The following UTRN variants were observed in gnomAD, a reference collection of about 807,000 sequenced individuals.
UTRN encodes dystrophin-related protein 1.
In UTRN, 283 loss-of-function variants were observed where a neutral mutation model predicts 463.9. The ratio of observed to expected loss-of-function variants is 0.61; its 90% CI spans 0.55 to 0.67. The LOEUF is 0.67. Ranked by LOEUF, UTRN falls within the 30% of genes least tolerant of loss-of-function variation. The pLI, the probability that UTRN is intolerant of heterozygous loss-of-function variation, is 0.00. For synonymous variants in UTRN, 1,442 were observed against 1,431.5 expected, an observed-to-expected ratio of 1.01 and a Z score of -0.17; for missense variants, 3,922 against 4,084.3, an observed-to-expected ratio of 0.96 and a Z score of 1.08.
intron 2 of UTRN, among the ~76,000 whole-genome samples, chr6:144,321,620 C>T (rs1251465176): frequency 6.6e-6 from 1 of 151,738 alleles, no homozygotes; most frequent in Non-Finnish European, 1.5e-5. Context: ...CAGGTGTGTA[C>T]CACCATGCCC....
intron 51 of UTRN, among the ~76,000 whole-genome samples, chr6:144,605,424 T>C (rs2128639009): frequency 6.6e-6 from 1 of 152,104 alleles, no homozygotes; most frequent in African/African-American, 2.4e-5. Flanking sequence ...AGGCAGGGCA[T>C]TGATAATAGA....
intron 51 of UTRN, among the ~76,000 whole-genome samples, chr6:144,641,256 T>G (rs1410631949): frequency 6.6e-6 from 1 of 152,058 alleles, no homozygotes; most frequent in Admixed American, 6.5e-5. Context: ...TCTGGAAGGG[T>G]GGGACAACTC....
rs190538536 is a variant in UTRN, at chr6:144,330,999, C to T, written c.79+39092C>T. Reference sequence around the variant, plus strand: ...TGAGATCTGAATCCACAAACGGAGACGGCAGACAGTCACAGGCAGGTAAAG... The same window carrying T: ...TGAGATCTGAATCCACAAACGGAGATGGCAGACAGTCACAGGCAGGTAAAG... On this transcript the variant is annotated intron_variant, in intron 2 of 74. Transcript: ENST00000367545. 6.1e-5 allele frequency: 60 copies of T among 985,310 alleles called. No homozygotes were observed. In the East Asian group the frequency reaches 2.2e-3, roughly 35 times the overall value. 61.0% of individuals were successfully genotyped at this position (985,310 alleles called of 1,614,324 possible).
intron 65 of UTRN, among the ~76,000 whole-genome samples, chr6:144,813,861 T>A (rs1778847954): frequency 6.6e-6 from 1 of 152,216 alleles, no homozygotes; most frequent in African/African-American, 2.4e-5. Context: ...ATTTCTAGAA[T>A]GCTCTTGCCT....
Position 144,516,950 on chromosome 6 carries a change from T to A in UTRN, c.5541+2T>A. On this transcript the variant is annotated splice_donor_variant, in intron 39 of 74. Transcript: ENST00000367545. LOFTEE classifies it high-confidence loss of function. ...CATACTAGATACAACAAAATTAAGG[T>A]ATTATGATTGGAGAGTCTCTGTTGC... The A allele has an allele frequency of 4.8e-6, 7 of 1,472,120 alleles. No homozygotes were observed. Among genetic ancestry groups the A allele is most frequent in the Non-Finnish European group, 5.4e-6 (6 of 1,116,642 alleles). The allele number at this position is 1,472,120 out of a possible 1,614,324, so 91.2% of individuals were successfully genotyped here. A position where few individuals can be genotyped will look rare whatever the true frequency, so the allele number is the denominator to read the frequency against.
chr6:144,328,483 T>G (rs1360886908), intron 2 of UTRN, among the ~76,000 whole-genome samples: 1 of 152,184 alleles, frequency 6.6e-6, no homozygotes, highest in African/African-American at 2.4e-5. Flanking sequence ...TAATGTCTCT[T>G]GGGAATTTCT....
At chr6:144,317,749 T>G (rs968306122) in intron 2 of UTRN, among the ~76,000 whole-genome samples, 1 of 152,234 alleles carries the variant, frequency 6.6e-6, no homozygotes, top group African/African-American at 2.4e-5. Flanking sequence ...GATTAGTACC[T>G]TCTCTTACCT....
rs1804283365 is a variant in UTRN at position 144,291,939 on chromosome 6, T to G, written c.79+32T>G. ...AAAGGAAGCTCAAGAAAGCTATGGA[T>G]TTTTATGTATTTAGAAAACCTATGT... On this transcript the variant is annotated intron_variant, in intron 2 of 74. Transcript: ENST00000367545. The G allele has an allele frequency of 3.2e-6, 5 of 1,586,378 alleles. No individual in the cohort carries two copies. In the African/African-American group the frequency reaches 4.1e-5, roughly 13 times the overall value.
chr6:144,559,785 C>T (rs911835475), intron 50 of UTRN, among the ~76,000 whole-genome samples: 2 of 151,978 alleles, frequency 1.3e-5, no homozygotes, highest in Non-Finnish European at 2.9e-5. Flanking sequence ...TACATTTTTT[C>T]ACCCTCCCCC....
rs774440097 is a variant in UTRN, at chr6:144,754,091, ACTGT to A, written c.8356-626_8356-623del. ...CCTTCTAACTATCCACTATCTATGTACTGTCTATTTCTCTCTCTCACTCCCCATA... is the reference window on the plus strand; with the variant it reads ...CCTTCTAACTATCCACTATCTATGTACTATTTCTCTCTCTCACTCCCCATA... On this transcript the variant is annotated intron_variant, in intron 56 of 74. Transcript: ENST00000367545. Among the ~76,000 whole-genome samples, 379 of 150,044 alleles carry A rather than the reference ACTGT, an allele frequency of 2.5e-3. 1 individual carries two copies. The highest frequency in any genetic ancestry group is 4.1e-3 in the Non-Finnish European group (279 of 67,880).
intron 2 of UTRN, among the ~76,000 whole-genome samples, chr6:144,342,844 A>G (rs1777248200): frequency 6.6e-6 from 1 of 152,230 alleles, no homozygotes; most frequent in Admixed American, 6.5e-5. Flanking sequence ...TTTGATGCAA[A>G]AAAAGATCAA....
chr6:144,649,243 A>G (rs1778565030), intron 51 of UTRN, among the ~76,000 whole-genome samples: 1 of 152,182 alleles, frequency 6.6e-6, no homozygotes, highest in African/African-American at 2.4e-5. Flanking sequence ...AAAAAGTACA[A>G]AGTGCATCAG....
intron 10 of UTRN, among the ~76,000 whole-genome samples, chr6:144,436,554 C>G (rs1194465461): frequency 6.6e-6 from 1 of 151,810 alleles, no homozygotes; most frequent in African/African-American, 2.4e-5. Context: ...TTTTTCATAT[C>G]ATAAAAGTTT....
At chr6:144,567,742 T>G (rs1331678803) in intron 50 of UTRN, among the ~76,000 whole-genome samples, 1 of 152,188 alleles carries the variant, frequency 6.6e-6, no homozygotes, top group South Asian at 2.1e-4. Context: ...AAGAGATAAA[T>G]GTATTTAAAT....
intron 3 of UTRN, 47 bp from the exon 4 acceptor site, chr6:144,421,831 T>C (rs1315137358): frequency 6.7e-7 from 1 of 1,502,478 alleles, no homozygotes; most frequent in African/African-American, 1.4e-5. Context: ...ATATGGAGTT[T>C]CTGCTGTTGG....
intron 15 of UTRN, 53 bp from the exon 16 acceptor site, chr6:144,447,549 G>A (rs796493725): frequency 5.0e-6 from 8 of 1,591,362 alleles, no homozygotes; most frequent in Non-Finnish European, 6.8e-6. Context: ...CTGGGGAACA[G>A]AAAGACAAAG....
chr6:144,825,355 T>G (rs1780087275), intron 66 of UTRN, among the ~76,000 whole-genome samples: 1 of 152,210 alleles, frequency 6.6e-6, no homozygotes, highest in Non-Finnish European at 1.5e-5. Flanking sequence ...TGATAGGTTG[T>G]AACTATGCAG....
intron 10 of UTRN, 114 bp downstream of exon 10, chr6:144,436,252 T>C (rs1457052815): frequency 8.9e-7 from 1 of 1,126,248 alleles, no homozygotes; most frequent in Non-Finnish European, 1.3e-6. Context: ...GAAAGGTCAA[T>C]GGTTTATTTC....
At chr6:144,636,417 G>T (rs980138577) in intron 51 of UTRN, among the ~76,000 whole-genome samples, 1 of 152,114 alleles carries the variant, frequency 6.6e-6, no homozygotes, top group African/African-American at 2.4e-5. Flanking sequence ...GGGAGGGAGA[G>T]CATTAGGAGA....
Sources: allele counts gnomAD v4.1 joint callset (sites outside exome capture counted in the v4.1 genomes callset), GRCh38; gene constraint gnomAD v4.1.1; transcripts MANE v1.5; gene names NCBI Gene and HGNC (gene_info 2026-07-23, HGNC 2026-07-21).